Variants in ITGBL1 observed in about 807,000 individuals in gnomAD.
ITGBL1 encodes integrin beta-like protein 1.
Under a neutral mutation model 68.5 loss-of-function variants are expected in ITGBL1, and 51 were observed. That is an observed-to-expected ratio of 0.74 (90% CI 0.59 to 0.94). The LOEUF is 0.94. ITGBL1 is among the 40% of genes least tolerant of loss of function. ITGBL1 has a pLI of 0.00. For missense variants in ITGBL1, 649 were observed against 647.4 expected, an observed-to-expected ratio of 1.00 and a Z score of -0.03; for synonymous variants, 209 against 227.3, an observed-to-expected ratio of 0.92 and a Z score of 0.72.
chr13:101,703,516 A>G (rs2139579501), intron 8 of ITGBL1, among the ~76,000 whole-genome samples: 1 of 152,338 alleles, frequency 6.6e-6, no homozygotes, highest in South Asian at 2.1e-4. Context: ...AGGAAGTTAT[A>G]CGGGACTAAA....
At chr13:101,545,055 T>A (rs961833864) in intron 2 of ITGBL1, among the ~76,000 whole-genome samples, 2 of 152,166 alleles carry the variant, frequency 1.3e-5, no homozygotes, top group African/African-American at 2.4e-5. Context: ...CTGCACCCAC[T>A]GTCCTGCACC....
At chr13:101,611,737 A>C (rs978628632) in intron 7 of ITGBL1, among the ~76,000 whole-genome samples, 1 of 152,096 alleles carries the variant, frequency 6.6e-6, no homozygotes, top group South Asian at 2.1e-4. Flanking sequence ...ATAAGCTTGC[A>C]TTGCCTCCCT....
chr13:101,494,837 G>A (rs1296668052), intron 2 of ITGBL1, among the ~76,000 whole-genome samples: 1 of 152,118 alleles, frequency 6.6e-6, no homozygotes, highest in Non-Finnish European at 1.5e-5. Flanking sequence ...AAAAGTCTAT[G>A]AAATACTTAG....
chr13:101,698,985 T>G lies in ITGBL1; in HGVS notation c.1132+6284T>G, dbSNP rs2034069911. Among the ~76,000 whole-genome samples the G allele has an allele frequency of 2.0e-5, 3 of 152,178 alleles. No individual in the cohort carries two copies. The South Asian group carries it at 6.2e-4, about 31-fold the overall frequency. ...TAATTACACAATCAGTTCACATTTC[T>G]TCAGGGAGTTCTCTAGTTCATCGCT... is the stretch of plus-strand genomic sequence containing the variant. On this transcript the variant is annotated intron_variant, in intron 8 of 10. Coordinates refer to ENST00000376180, the MANE Select transcript of ITGBL1 (RefSeq NM_004791.3).
At chr13:101,481,059 T>TACAC (rs1161675605) in intron 2 of ITGBL1, among the ~76,000 whole-genome samples, 1 of 80,154 alleles carries the variant, frequency 1.2e-5, no homozygotes, top group South Asian at 5.2e-4. Flanking sequence ...TGTAACTATA[T>TACAC]ACACACACAT....
intron 7 of ITGBL1, among the ~76,000 whole-genome samples, chr13:101,623,794 A>G (rs2031674727): frequency 6.6e-6 from 1 of 152,250 alleles, no homozygotes; most frequent in Admixed American, 6.5e-5. Flanking sequence ...TCATCAGGGC[A>G]GTGTGGTAAG....
At chr13:101,506,932 G>T (rs1206040378) in intron 2 of ITGBL1, among the ~76,000 whole-genome samples, 1 of 152,148 alleles carries the variant, frequency 6.6e-6, no homozygotes, top group Non-Finnish European at 1.5e-5. Flanking sequence ...ATTGGAAGAG[G>T]TAAGCTTTTG....
chr13:101,605,866 G>A (rs1338901325), intron 7 of ITGBL1, among the ~76,000 whole-genome samples: 2 of 149,328 alleles, frequency 1.3e-5, no homozygotes, highest in South Asian at 2.1e-4. Flanking sequence ...GTGTATATGT[G>A]TATATATACA....
At position 101,513,548 on chromosome 13, in the gene ITGBL1, T is replaced by C. The variant is rs79511522; in HGVS notation, c.317-54151T>C. Among the ~76,000 whole-genome samples, 131 of 152,276 alleles carry C rather than the reference T, an allele frequency of 8.6e-4. 1 individual carries two copies. In the East Asian group the frequency reaches 0.023, roughly 27 times the overall value. On this transcript the variant is annotated intron_variant, in intron 2 of 10. Coordinates refer to ENST00000376180, the MANE Select transcript of ITGBL1 (RefSeq NM_004791.3). Reference sequence around the variant, plus strand: ...ACCAAAAATTTTATCCAACGTATTATGTCTTTAAGAGAATGTTATAATTTT... The same window carrying C: ...ACCAAAAATTTTATCCAACGTATTACGTCTTTAAGAGAATGTTATAATTTT...
At position 101,715,834 on chromosome 13, in the gene ITGBL1, T is replaced by A; in HGVS notation, c.*180T>A. 2.1e-6 allele frequency: 1 copy of A among 474,648 alleles called. No individual in the cohort carries two copies. Among genetic ancestry groups the A allele is most frequent in the African/African-American group, 2.0e-5 (1 of 50,514 alleles). 29.4% of individuals were successfully genotyped at this position (474,648 alleles called of 1,614,324 possible). On this transcript the variant is annotated 3_prime_UTR_variant, in exon 11 of 11. Transcript: ENST00000376180. ...TAGAAATGAGTTATGCAAATTTAGATGCAAATAACATTAGAAAAAAAAGAT... is the reference window on the plus strand; with the variant it reads ...TAGAAATGAGTTATGCAAATTTAGAAGCAAATAACATTAGAAAAAAAAGAT...
At chr13:101,543,184 G>C (rs538394093) in intron 2 of ITGBL1, among the ~76,000 whole-genome samples, 1 of 152,042 alleles carries the variant, frequency 6.6e-6, no homozygotes, top group East Asian at 1.9e-4. Context: ...ATTTTTTTGT[G>C]GTGGCTGGTA....
chr13:101,707,506 A>G (rs1054306013), intron 9 of ITGBL1, among the ~76,000 whole-genome samples: 4 of 152,148 alleles, frequency 2.6e-5, no homozygotes, highest in African/African-American at 2.4e-5. Context: ...AAAATCACCA[A>G]TTGTTCCAAG....
chr13:101,563,462 A>G (rs1296787085), intron 2 of ITGBL1, among the ~76,000 whole-genome samples: 1 of 151,870 alleles, frequency 6.6e-6, no homozygotes, highest in Non-Finnish European at 1.5e-5. Flanking sequence ...ATGAAATAAC[A>G]TACATAATAT....
At chr13:101,626,415 C>T (rs938792994) in intron 7 of ITGBL1, among the ~76,000 whole-genome samples, 39 of 152,100 alleles carry the variant, frequency 2.6e-4, no homozygotes, top group African/African-American at 8.7e-4. Flanking sequence ...CAATTTTCTC[C>T]GAAATAAGCA....
At chr13:101,496,948 G>A (rs1266144829) in intron 2 of ITGBL1, among the ~76,000 whole-genome samples, 1 of 152,180 alleles carries the variant, frequency 6.6e-6, no homozygotes, top group African/African-American at 2.4e-5. Context: ...GAAAGCCTGG[G>A]ATGTTGTAGT....
At chr13:101,503,575 T>A (rs761502782) in intron 2 of ITGBL1, among the ~76,000 whole-genome samples, 9 of 152,098 alleles carry the variant, frequency 5.9e-5, no homozygotes, top group Non-Finnish European at 1.0e-4. Flanking sequence ...CCTTTAGAAG[T>A]GACACTAGTG....
chr13:101,490,739 G>C (rs2048764288), intron 2 of ITGBL1, among the ~76,000 whole-genome samples: 1 of 152,190 alleles, frequency 6.6e-6, no homozygotes, highest in Admixed American at 6.5e-5. Context: ...ACACATGTAG[G>C]CAAAGCCACA....
chr13:101,549,383 CTT>C (rs1156504219), intron 2 of ITGBL1, among the ~76,000 whole-genome samples: 2 of 151,720 alleles, frequency 1.3e-5, no homozygotes, highest in Non-Finnish European at 2.9e-5. Flanking sequence ...GTGTGAGAAA[CTT>C]TATATATGTC....
In ITGBL1 at chr13:101,620,520, C is replaced by T. The variant is rs1192266241; in HGVS notation, c.1015+22221C>T. Among the ~76,000 whole-genome samples, 6 of 152,110 alleles carry T rather than the reference C, an allele frequency of 3.9e-5. No homozygotes were observed. The East Asian group carries it at 9.6e-4, about 24-fold the overall frequency. ...TATTTGATCTCTCGTCTTAAATTGT[C>T]ATGACCCAAGAGGGCTACAGCAGTA... On this transcript the variant is annotated intron_variant, in intron 7 of 10. Coordinates refer to ENST00000376180, the MANE Select transcript of ITGBL1 (RefSeq NM_004791.3).
Sources: allele counts gnomAD v4.1 joint callset (sites outside exome capture counted in the v4.1 genomes callset), GRCh38; gene constraint gnomAD v4.1.1; transcripts MANE v1.5; gene names NCBI Gene and HGNC (gene_info 2026-07-23, HGNC 2026-07-21).